Variants in DOCK1 observed in about 807,000 individuals in gnomAD.
DOCK1 encodes dedicator of cytokinesis protein 1.
DOCK1 carries 138 observed loss-of-function variants against 262.7 expected under a neutral mutation model. That is an observed-to-expected ratio of 0.53 (90% CI 0.46 to 0.61). The LOEUF (loss-of-function observed/expected upper bound fraction) is 0.61. Ranked by LOEUF, DOCK1 falls within the 20% of genes least tolerant of loss-of-function variation. The probability of loss-of-function intolerance (pLI) is 0.00; values close to 1 mark genes in which losing one functional copy is unlikely to be tolerated. For missense variants in DOCK1, 1,908 were observed against 2,370.7 expected, an observed-to-expected ratio of 0.80 and a Z score of 4.05; for synonymous variants, 866 against 867.4, an observed-to-expected ratio of 1.00 and a Z score of 0.03.
chr10:127,027,611 ACAT>A (rs567209092), intron 16 of DOCK1, among the ~76,000 whole-genome samples: 244 of 9,290 alleles, frequency 0.026, 1 homozygote, highest in African/African-American at 0.15. Context: ...AACAAAAAAA[ACAT>A]TAAACCTTCC....
At chr10:127,268,356 C>T (rs1296847860) in intron 29 of DOCK1, among the ~76,000 whole-genome samples, 1 of 151,678 alleles carries the variant, frequency 6.6e-6, no homozygotes, top group African/African-American at 2.4e-5. Flanking sequence ...AAAAATCAGC[C>T]AGGCATGGTG....
At chr10:127,015,209 G>T (rs891733130) in intron 12 of DOCK1, 2 of 151,362 alleles carry the variant, frequency 1.3e-5, no homozygotes, top group Middle Eastern at 3.2e-3. Flanking sequence ...AAAAAAAAAG[G>T]AAAGAAAAGA....
At chr10:127,322,995 G>T (rs2062601362) in intron 29 of DOCK1, among the ~76,000 whole-genome samples, 1 of 152,166 alleles carries the variant, frequency 6.6e-6, no homozygotes, top group Non-Finnish European at 1.5e-5. Context: ...TGCTGTAGAG[G>T]ATAGCGTGTG....
chr10:127,403,620 G>A (rs555044409), intron 39 of DOCK1, among the ~76,000 whole-genome samples: 2 of 152,178 alleles, frequency 1.3e-5, no homozygotes, highest in African/African-American at 2.4e-5. Flanking sequence ...GTAGCCGGGC[G>A]TGGTAGCACA....
At chr10:126,919,338 T>C (rs2032931869) in intron 1 of DOCK1, among the ~76,000 whole-genome samples, 2 of 152,324 alleles carry the variant, frequency 1.3e-5, no homozygotes, top group South Asian at 2.1e-4. Context: ...GAAGGAAATG[T>C]GATTATTTTC....
At chr10:127,429,609 C>T (rs138330158) in intron 47 of DOCK1, among the ~76,000 whole-genome samples, 1 of 152,234 alleles carries the variant, frequency 6.6e-6, no homozygotes, top group Non-Finnish European at 1.5e-5. Context: ...CGCCCTCTGA[C>T]TTCTCGATAC....
At chr10:127,113,263 G>A (rs774144483) in intron 25 of DOCK1, among the ~76,000 whole-genome samples, 1 of 152,146 alleles carries the variant, frequency 6.6e-6, no homozygotes, top group Non-Finnish European at 1.5e-5. Context: ...TTAGCTGCAT[G>A]TGCCACTGAA....
chr10:127,035,737 C>T (rs1012891012), intron 18 of DOCK1, among the ~76,000 whole-genome samples: 5 of 152,052 alleles, frequency 3.3e-5, no homozygotes, highest in Non-Finnish European at 7.4e-5. Context: ...TGCCCAGGTG[C>T]AGTGGCTCAC....
At chr10:127,291,910 C>T (rs2061357744) in intron 29 of DOCK1, among the ~76,000 whole-genome samples, 1 of 152,308 alleles carries the variant, frequency 6.6e-6, no homozygotes, top group East Asian at 1.9e-4. Context: ...CCTCTCTGGG[C>T]TCCCTCCGTC....
In DOCK1 at chr10:127,012,201, C is replaced by T. The variant is rs779527917; in HGVS notation, c.1059-31C>T. 1.1e-5 allele frequency: 14 copies of T among 1,222,284 alleles called. No individual in the cohort carries two copies. The Admixed American group carries it at 1.9e-4, about 17-fold the overall frequency. The allele number at this position is 1,222,284 out of a possible 1,614,324, so 75.7% of individuals were successfully genotyped here. Reference sequence around the variant, plus strand: ...CATGGGTCTCTGTGCCCCTTTGTCTCCTGTGGTCTTGGTCGTCCCGTGCCC... The same window carrying T: ...CATGGGTCTCTGTGCCCCTTTGTCTTCTGTGGTCTTGGTCGTCCCGTGCCC... On this transcript the variant is annotated intron_variant, in intron 11 of 51. Transcript: ENST00000623213. The surrounding 1 kb of genome is among the most constrained non-coding windows in gnomAD (Gnocchi z 4.0).
intron 13 of DOCK1, among the ~76,000 whole-genome samples, chr10:127,020,452 A>G (rs933566536): frequency 6.6e-5 from 10 of 151,966 alleles, no homozygotes; most frequent in Non-Finnish European, 1.5e-5. Flanking sequence ...TGCTAGTAGC[A>G]GGTACTAGGG....
intron 23 of DOCK1, among the ~76,000 whole-genome samples, chr10:127,098,748 G>A (rs754241089): frequency 2.6e-5 from 4 of 152,034 alleles, no homozygotes; most frequent in African/African-American, 4.8e-5. Flanking sequence ...GGTGTCTTTC[G>A]GCAGATAAGA....
At chr10:127,361,274 C>G (rs913027497) in intron 32 of DOCK1, among the ~76,000 whole-genome samples, 1 of 151,772 alleles carries the variant, frequency 6.6e-6, no homozygotes, top group Non-Finnish European at 1.5e-5. Context: ...CTACCACGCC[C>G]AGCTGATTTT....
At chr10:127,131,065 C>T (rs975863380) in intron 27 of DOCK1, among the ~76,000 whole-genome samples, 1 of 152,178 alleles carries the variant, frequency 6.6e-6, no homozygotes, top group African/African-American at 2.4e-5. Context: ...TGGGATGCTC[C>T]AGCTTGGAAG....
rs1358578764 is a variant in DOCK1 at position 127,437,934 on chromosome 10, TC to T, written c.5061-1091del. 6.6e-6 allele frequency among the ~76,000 whole-genome samples: 1 copy of T among 152,340 alleles called. No homozygotes were observed. The highest frequency in any genetic ancestry group is 1.9e-4 in the East Asian group (1 of 5,178). ...TCCCCTTGAAGAAGCCAATTGCTTCTCCAGGCGGTCAAGGAAGTCAGGTTTG... is the reference window on the plus strand; with the variant it reads ...TCCCCTTGAAGAAGCCAATTGCTTCTCAGGCGGTCAAGGAAGTCAGGTTTG... On this transcript the variant is annotated intron_variant, in intron 48 of 51. Coordinates refer to ENST00000623213, the MANE Select transcript of DOCK1 (RefSeq NM_001290223.2). The surrounding 1 kb of genome is among the most constrained non-coding windows in gnomAD (Gnocchi z 4.4).
rs1193441896 is a variant in DOCK1 at position 126,959,735 on chromosome 10, G to A, written c.47-10967G>A. Among the ~76,000 whole-genome samples, 3 of 152,206 alleles carry A rather than the reference G, an allele frequency of 2.0e-5. No individual in the cohort carries two copies. The East Asian group carries it at 5.8e-4, about 29-fold the overall frequency. ...GAGTGTGCTTTGTTTCTGGACATAG[G>A]GGTTGGATCTCCAGGACATGCCTAC... On this transcript the variant is annotated intron_variant, in intron 1 of 51. Transcript: ENST00000623213.
chr10:127,166,836 A>G (rs1489189355), intron 27 of DOCK1, among the ~76,000 whole-genome samples: 1 of 152,028 alleles, frequency 6.6e-6, no homozygotes, highest in East Asian at 1.9e-4. Context: ...TGTTCATGCC[A>G]TGCCTTGAAT....
chr10:127,166,107 G>A (rs375976222), intron 27 of DOCK1, among the ~76,000 whole-genome samples: 3 of 151,938 alleles, frequency 2.0e-5, no homozygotes, highest in Non-Finnish European at 4.4e-5. Context: ...GCTCTGTAGC[G>A]TAGGCTGGAG....
At chr10:127,127,988 TA>T (rs2050072702) in intron 27 of DOCK1, 1 of 344,268 alleles carries the variant, frequency 2.9e-6, no homozygotes, top group East Asian at 4.5e-5. Flanking sequence ...ATTACTTACT[TA>T]TAGCAAAAGA....
Sources: gnomAD v4.1 joint callset for allele counts (sites outside exome capture counted in the v4.1 genomes callset) on GRCh38, gnomAD v4.1.1 for gene constraint, Gnocchi (gnomAD v3.1) non-coding constraint, MANE v1.5 for transcripts, NCBI Gene and HGNC (gene_info 2026-07-23, HGNC 2026-07-21) for gene names.